The following RAP1GAP variants were observed in gnomAD, a reference collection of about 807,000 sequenced individuals.
RAP1GAP encodes RAP1 GTPase activating protein.
RAP1GAP carries 35 observed loss-of-function variants against 87.2 expected under a neutral mutation model. The ratio of observed to expected loss-of-function variants is 0.40; its 90% CI spans 0.31 to 0.53. The LOEUF is 0.53. Among genes scored for constraint, RAP1GAP ranks in the 20% least tolerant of loss-of-function variants. RAP1GAP has a pLI of 0.48. For synonymous variants in RAP1GAP, 375 were observed against 363.9 expected, an observed-to-expected ratio of 1.03 and a Z score of -0.35; for missense variants, 734 against 898.9, an observed-to-expected ratio of 0.82 and a Z score of 2.35.
chr1:21,603,522 C>A lies in RAP1GAP; in HGVS notation c.1429-609G>T, dbSNP rs977344944. 8 of 602,976 alleles carry A rather than the reference C, an allele frequency of 1.3e-5. No individual in the cohort carries two copies. The highest frequency in any genetic ancestry group is 2.9e-5 in the Admixed American group (1 of 34,924). 37.4% of individuals were successfully genotyped at this position (602,976 alleles called of 1,614,324 possible). ...GGAGAGGGATGGCGCTCCATGCAGACCGGCGATATTGGGGGACGTGCGGCT... is the reference window on the plus strand; with the variant it reads ...GGAGAGGGATGGCGCTCCATGCAGAACGGCGATATTGGGGGACGTGCGGCT... On this transcript the variant is annotated intron_variant, in intron 18 of 24. Transcript: ENST00000374765. The surrounding 1 kb of genome is among the most constrained non-coding windows in gnomAD (Gnocchi z 6.0).
intron 5 of RAP1GAP, 142 bp downstream of exon 5, chr1:21,618,883 C>G: frequency 1.1e-6 from 1 of 910,752 alleles, no homozygotes; most frequent in East Asian, 2.8e-5. Context: ...AGCTGTGCCT[C>G]CCCCCCTACC....
At chr1:21,632,773 C>T (rs1557085) in intron 2 of RAP1GAP, among the ~76,000 whole-genome samples, 6 of 151,336 alleles carry the variant, frequency 4.0e-5, no homozygotes, top group Non-Finnish European at 8.9e-5. Context: ...CAGTGGCTCA[C>T]ACCTATAGTC....
intron 2 of RAP1GAP, among the ~76,000 whole-genome samples, chr1:21,643,556 C>CAA (rs58359978): frequency 2.6e-3 from 172 of 66,348 alleles, no homozygotes; most frequent in Middle Eastern, 9.6e-3. Context: ...GACTCCGTCT[C>CAA]AAAAAAAAAA....
At chr1:21,598,694 G>A (rs879286920) in intron 21 of RAP1GAP, among the ~76,000 whole-genome samples, 192 bp from the exon 22 acceptor site, 1 of 152,240 alleles carries the variant, frequency 6.6e-6, no homozygotes, top group South Asian at 2.1e-4. Context: ...ACAGACCCAG[G>A]CACACGCCAC....
Position 21,596,662 on chromosome 1 carries a change from A to G in RAP1GAP, c.*637T>C, listed in dbSNP as rs1372425919. ...ACCTGGGGCTCCAGGGACCTCAAGAAGCAGGGTAGGGTGATAGGAGGTCCC... is the reference window on the plus strand; with the variant it reads ...ACCTGGGGCTCCAGGGACCTCAAGAGGCAGGGTAGGGTGATAGGAGGTCCC... On this transcript the variant is annotated 3_prime_UTR_variant, in exon 25 of 25. Transcript: ENST00000374765. 6.6e-6 allele frequency: 1 copy of G among 152,326 alleles called. No individual in the cohort carries two copies. Among genetic ancestry groups the G allele is most frequent in the Non-Finnish European group, 1.5e-5 (1 of 68,098 alleles). 9.4% of individuals were successfully genotyped at this position (152,326 alleles called of 1,614,324 possible).
chr1:21,663,093 G>A (rs557271179), intron 1 of RAP1GAP, among the ~76,000 whole-genome samples: 9 of 152,308 alleles, frequency 5.9e-5, no homozygotes, highest in East Asian at 3.9e-4. Flanking sequence ...TCTGCCCTTC[G>A]GAGGACTACA....
chr1:21,609,439 C>T lies in RAP1GAP; in HGVS notation c.1071+136G>A, dbSNP rs147989797. 2.4e-5 allele frequency: 12 copies of T among 510,620 alleles called. No individual in the cohort carries two copies. The highest frequency in any genetic ancestry group is 3.1e-5 in the Non-Finnish European group (9 of 286,934). The allele number at this position is 510,620 out of a possible 1,614,324, so 31.6% of individuals were successfully genotyped here. On this transcript the variant is annotated intron_variant, in intron 15 of 24. Coordinates refer to ENST00000374765, the MANE Select transcript of RAP1GAP (RefSeq NM_002885.4). This position sits in a 1 kb window ranked among gnomAD's most constrained non-coding sequence, Gnocchi z 4.4. Reference sequence around the variant, plus strand: ...CAAGATGAATGGAAAAGCCAGGCCCCGGTTGCAGTTAGGGGAGCCCAGCTG... The same window carrying T: ...CAAGATGAATGGAAAAGCCAGGCCCTGGTTGCAGTTAGGGGAGCCCAGCTG...
Position 21,613,508 on chromosome 1 carries a change from T to G in RAP1GAP, c.474+120A>C. The stretch of plus-strand genomic sequence containing the variant: ...GAACAAGTGAGAGACAGCCTCAGGA[T>G]AGGGCGGCAGGCCAGGGCTAGGGCC... On this transcript the variant is annotated intron_variant, in intron 9 of 24. Transcript: ENST00000374765. The surrounding 1 kb of genome is among the most constrained non-coding windows in gnomAD (Gnocchi z 4.7). 3 of 964,362 alleles carry G rather than the reference T, an allele frequency of 3.1e-6. No individual in the cohort carries two copies. The highest frequency in any genetic ancestry group is 2.8e-4 in the Middle Eastern group (1 of 3,552). The allele number at this position is 964,362 out of a possible 1,614,324, so 59.7% of individuals were successfully genotyped here. A position where few individuals can be genotyped will look rare whatever the true frequency, so the allele number is the denominator to read the frequency against.
rs113193212 is a variant in RAP1GAP, at chr1:21,607,660, C to G, written c.1296+553G>C. The stretch of plus-strand genomic sequence containing the variant: ...TTGCTGTCTCCCAGAATCCTCCACC[C>G]TTCAGCAGAATTCCCAGGTGAATTC... On this transcript the variant is annotated intron_variant, in intron 17 of 24. Transcript: ENST00000374765. Among the ~76,000 whole-genome samples, 353 of 152,236 alleles carry G rather than the reference C, an allele frequency of 2.3e-3. 3 individuals carry two copies. The highest frequency in any genetic ancestry group is 8.0e-3 in the African/African-American group (332 of 41,516).
At chr1:21,602,622 C>T (rs899604681) in intron 19 of RAP1GAP, among the ~76,000 whole-genome samples, 182 bp downstream of exon 19, 2 of 152,230 alleles carry the variant, frequency 1.3e-5, no homozygotes, top group Non-Finnish European at 2.9e-5. Context: ...GCATGTGGCA[C>T]GTTAGGTGAC....
intron 1 of RAP1GAP, among the ~76,000 whole-genome samples, chr1:21,650,822 T>TCCCAC (rs1289639680): frequency 4.6e-5 from 7 of 151,328 alleles, no homozygotes; most frequent in African/African-American, 1.7e-4. Context: ...GCCTCTGGCC[T>TCCCAC]CCCACCCCAC....
At chr1:21,625,273 A>G (rs1317260084) in intron 3 of RAP1GAP, among the ~76,000 whole-genome samples, 1 of 152,042 alleles carries the variant, frequency 6.6e-6, no homozygotes, top group Non-Finnish European at 1.5e-5. Context: ...TGCCTCTGCT[A>G]TTTTCTGGCT....
intron 1 of RAP1GAP, among the ~76,000 whole-genome samples, chr1:21,650,560 T>C (rs568540598): frequency 9.2e-5 from 14 of 151,940 alleles, no homozygotes; most frequent in Non-Finnish European, 1.8e-4. Context: ...AAGAAGGGGA[T>C]GAGGAGGGAG....
chr1:21,641,872 G>A (rs2095554156), intron 2 of RAP1GAP, among the ~76,000 whole-genome samples: 1 of 152,228 alleles, frequency 6.6e-6, no homozygotes, highest in Non-Finnish European at 1.5e-5. Context: ...GAGCCTCTGA[G>A]AGGGAGGGTG....
chr1:21,610,272 G>A lies in RAP1GAP; in HGVS notation c.847C>T (p.Gln283Ter), dbSNP rs766186327. The A allele has an allele frequency of 6.2e-7, 1 of 1,614,030 alleles. No individual in the cohort carries two copies. The change falls in exon 14 of 25, where the codon CAG (glutamine) becomes TAG (stop). Residue 283 changes from glutamine to a stop codon, truncating the protein, a stop_gained. Coordinates refer to ENST00000374765, the MANE Select transcript of RAP1GAP (RefSeq NM_002885.4). LOFTEE classifies it high-confidence loss of function. ...PYTEGDAQQL[Q>*]RKRHIGNDIV... ...TCGTTCCCGATGTGCCGCTTCCGCT[G>A]CAACTGAGCACAAAGCCACGGGCCT...
chr1:21,613,757 T>C lies in RAP1GAP; in HGVS notation c.396-51A>G. On this transcript the variant is annotated intron_variant, in intron 8 of 24. Transcript: ENST00000374765. This position sits in a 1 kb window ranked among gnomAD's most constrained non-coding sequence, Gnocchi z 4.7. Reference sequence around the variant, plus strand: ...AGGCCTGGGCAGCAGGACAGGAAAATGGGAACCCCACCCCCCACAAAGTAA... The same window carrying C: ...AGGCCTGGGCAGCAGGACAGGAAAACGGGAACCCCACCCCCCACAAAGTAA... 1 of 1,526,500 alleles carries C rather than the reference T, an allele frequency of 6.6e-7. No homozygotes were observed. Among genetic ancestry groups the C allele is most frequent in the East Asian group, 2.3e-5 (1 of 44,408 alleles). 94.6% of individuals were successfully genotyped at this position (1,526,500 alleles called of 1,614,324 possible).
At chr1:21,640,819 C>T (rs543313415) in intron 2 of RAP1GAP, among the ~76,000 whole-genome samples, 1 of 152,318 alleles carries the variant, frequency 6.6e-6, no homozygotes, top group South Asian at 2.1e-4. Flanking sequence ...CTGCACAGCC[C>T]AGCTCACTTG....
At position 21,613,214 on chromosome 1, in the gene RAP1GAP, C is replaced by T; in HGVS notation, c.490G>A (p.Val164Ile). The T allele has an allele frequency of 3.2e-6, 5 of 1,562,024 alleles. No homozygotes were observed. Among genetic ancestry groups the T allele is most frequent in the East Asian group, 2.2e-5 (1 of 44,612 alleles). The change falls in exon 10 of 25, where the codon GTC (valine) becomes ATC (isoleucine). Residue 164 changes from valine to isoleucine, a missense_variant. By Grantham distance (29) the Val-to-Ile change is conservative. Coordinates refer to ENST00000374765, the MANE Select transcript of RAP1GAP (RefSeq NM_002885.4). The surrounding 1 kb of genome is among the most constrained non-coding windows in gnomAD (Gnocchi z 4.7). ...ACAGGATAGAACCGATCCACATTGA[C>T]GTCTTCACACACCAACTGCAGGAGG... Reference protein sequence around the residue: ...VQMAKLVCEDVNVDRFYPVLY... With the variant: ...VQMAKLVCEDINVDRFYPVLY...
chr1:21,626,458 G>T, intron 2 of RAP1GAP, 61 bp from the exon 3 acceptor site: 2 of 1,341,058 alleles, frequency 1.5e-6, no homozygotes, highest in Non-Finnish European at 2.1e-6. Flanking sequence ...GGGAACTCTG[G>T]GAGAGTCACT....
Sources: gnomAD v4.1 joint callset for allele counts (sites outside exome capture counted in the v4.1 genomes callset) on GRCh38, gnomAD v4.1.1 for gene constraint, Gnocchi (gnomAD v3.1) non-coding constraint, MANE v1.5 for transcripts, NCBI Gene and HGNC (gene_info 2026-07-23, HGNC 2026-07-21) for gene names.